The following KCNMA1 variants were observed in gnomAD, a reference collection of about 807,000 sequenced individuals.
KCNMA1 encodes the protein potassium calcium-activated channel subfamily M alpha 1, also known as Calcium-activated potassium channel subunit alpha-1.
In KCNMA1, 29 loss-of-function variants were observed where a neutral mutation model predicts 140.0. The observed-to-expected ratio is 0.21, with a 90% confidence interval of 0.15 to 0.28. KCNMA1 has a LOEUF of 0.28. Ranked by LOEUF, KCNMA1 falls within the 10% of genes least tolerant of loss-of-function variation. The pLI is 1.00. For missense variants in KCNMA1, 880 were observed against 1,602.2 expected, an observed-to-expected ratio of 0.55 and a Z score of 7.70; for synonymous variants, 612 against 611.9, an observed-to-expected ratio of 1.00 and a Z score of 0.00.
At chr10:77,154,858 A>G (rs535977623) in intron 5 of KCNMA1, among the ~76,000 whole-genome samples, 15 of 152,388 alleles carry the variant, frequency 9.8e-5, no homozygotes, top group African/African-American at 2.2e-4. Flanking sequence ...AATTGCTTCA[A>G]GCAAATGCTT....
intron 6 of KCNMA1, among the ~76,000 whole-genome samples, chr10:77,120,770 T>C (rs1381574656): frequency 1.3e-5 from 2 of 152,076 alleles, no homozygotes; most frequent in Non-Finnish European, 2.9e-5. Flanking sequence ...TATTTCTCTC[T>C]TTTCACCACA....
chr10:77,366,647 T>C (rs2154406507), intron 2 of KCNMA1, among the ~76,000 whole-genome samples: 2 of 152,236 alleles, frequency 1.3e-5, no homozygotes, highest in Middle Eastern at 6.8e-3. Context: ...ATGGTGAAGA[T>C]GATGGTGATA....
Position 77,424,560 on chromosome 10 carries a change from G to A in KCNMA1, c.379-20537C>T, listed in dbSNP as rs182146897. 3.7e-4 allele frequency among the ~76,000 whole-genome samples: 56 copies of A among 151,866 alleles called. 1 individual carries two copies. The East Asian group carries it at 0.011, about 29-fold the overall frequency. ...ACAATTCACCTGGGCATCTCTGAGA[G>A]AGGATTACTCACAACAGGTTCTCAG... On this transcript the variant is annotated intron_variant, in intron 1 of 27. Coordinates refer to ENST00000286628, the MANE Select transcript of KCNMA1 (RefSeq NM_001161352.2).
chr10:77,628,363 A>C (rs2154570718), intron 1 of KCNMA1, among the ~76,000 whole-genome samples: 1 of 152,232 alleles, frequency 6.6e-6, no homozygotes, highest in African/African-American at 2.4e-5. Flanking sequence ...CAAGTCAAAA[A>C]CCTAAAATCT....
chr10:77,011,692 C>A (rs752228462), intron 18 of KCNMA1, among the ~76,000 whole-genome samples: 5 of 152,168 alleles, frequency 3.3e-5, no homozygotes, highest in Admixed American at 6.6e-5. Context: ...CTCTGTTAGA[C>A]TGGACACATC....
At chr10:76,877,748 A>G (rs1228240261) in exon 30 of KCNMA1, 8 of 1,554,360 alleles carry the variant, frequency 5.1e-6, no homozygotes, top group Non-Finnish European at 6.1e-6. Context: ...GTCAACATTC[A>G]TCTTCAACTT....
At chr10:77,105,173 C>G (rs1267459953) in intron 9 of KCNMA1, among the ~76,000 whole-genome samples, 1 of 152,198 alleles carries the variant, frequency 6.6e-6, no homozygotes, top group Non-Finnish European at 1.5e-5. Flanking sequence ...ATTACCCATA[C>G]CTACTGCAGG....
chr10:77,483,218 G>T (rs186145290), intron 1 of KCNMA1, among the ~76,000 whole-genome samples: 2 of 152,094 alleles, frequency 1.3e-5, no homozygotes, highest in African/African-American at 4.8e-5. Flanking sequence ...AATTGGCAGC[G>T]CCACTAACAG....
chr10:77,382,984 GTGTGTGTGTGTATATATATA>G (rs375435277), intron 2 of KCNMA1, among the ~76,000 whole-genome samples: 13,641 of 88,878 alleles, frequency 0.15, 985 homozygotes, highest in South Asian at 0.3. Context: ...GTGTGTGTGT[GTGTGTGTGTGTATATATATA>G]TATATATATA....
intron 1 of KCNMA1, among the ~76,000 whole-genome samples, chr10:77,414,112 T>G (rs955959705): frequency 6.6e-6 from 1 of 152,210 alleles, no homozygotes; most frequent in Non-Finnish European, 1.5e-5. Flanking sequence ...TACCATCTTG[T>G]GCCTCAGGTT....
At chr10:77,331,101 C>G (rs1275881798) in intron 2 of KCNMA1, among the ~76,000 whole-genome samples, 1 of 147,838 alleles carries the variant, frequency 6.8e-6, no homozygotes, top group African/African-American at 2.5e-5. Flanking sequence ...CTCCCTGCCC[C>G]CCATGTACCT....
At chr10:76,927,340 C>G (rs1315655440) in intron 23 of KCNMA1, among the ~76,000 whole-genome samples, 3 of 152,060 alleles carry the variant, frequency 2.0e-5, no homozygotes, top group African/African-American at 7.2e-5. Context: ...ACACTATGGG[C>G]TAAAGGAAGA....
chr10:77,238,013 C>T (rs1392319280), intron 3 of KCNMA1, among the ~76,000 whole-genome samples: 1 of 152,160 alleles, frequency 6.6e-6, no homozygotes, highest in African/African-American at 2.4e-5. Flanking sequence ...CTCCCCACTG[C>T]CTCGCCTTCC....
Position 77,108,446 on chromosome 10 carries a change from G to C in KCNMA1, c.1223+35C>G, listed in dbSNP as rs45459294. On this transcript the variant is annotated intron_variant, in intron 9 of 27. Transcript: ENST00000286628. This position sits in a 1 kb window ranked among gnomAD's most constrained non-coding sequence, Gnocchi z 4.6. ...AATGGCATGCAGAGAGGATTCTACC[G>C]CAGCAGAGGCAGCAAAACCTCTTGG... 1 of 1,600,698 alleles carries C rather than the reference G, an allele frequency of 6.2e-7. No homozygotes were observed. Among genetic ancestry groups the C allele is most frequent in the Non-Finnish European group, 8.6e-7 (1 of 1,169,320 alleles).
chr10:77,041,686 C>T (rs2094704887), intron 14 of KCNMA1, among the ~76,000 whole-genome samples: 1 of 152,178 alleles, frequency 6.6e-6, no homozygotes, highest in African/African-American at 2.4e-5. Context: ...TCACAGGCCT[C>T]CCTGAGGGAA....
At chr10:77,417,562 T>G (rs541381508) in intron 1 of KCNMA1, among the ~76,000 whole-genome samples, 1 of 152,202 alleles carries the variant, frequency 6.6e-6, no homozygotes, top group African/African-American at 2.4e-5. Flanking sequence ...TGAGATCAGA[T>G]GACATGGAGC....
chr10:77,124,150 A>G (rs2097685229), intron 5 of KCNMA1, among the ~76,000 whole-genome samples: 1 of 152,236 alleles, frequency 6.6e-6, no homozygotes, highest in Non-Finnish European at 1.5e-5. Context: ...TTAGTGTTTA[A>G]TCCTGAACAT....
chr10:77,169,530 C>T (rs1299509751), intron 5 of KCNMA1, among the ~76,000 whole-genome samples: 1 of 151,988 alleles, frequency 6.6e-6, no homozygotes, highest in Non-Finnish European at 1.5e-5. Context: ...GCTGGGACCA[C>T]AGGTATGTGC....
chr10:77,453,748 G>A lies in KCNMA1; in HGVS notation c.379-49725C>T, dbSNP rs1052939932. Among the ~76,000 whole-genome samples, 3 of 152,220 alleles carry A rather than the reference G, an allele frequency of 2.0e-5. No homozygotes were observed. The South Asian group carries it at 6.2e-4, about 32-fold the overall frequency. On this transcript the variant is annotated intron_variant, in intron 1 of 27. Transcript: ENST00000286628. ...AGTGAATACTTGAGGTCAGCAGAGG[G>A]ACCCCCTTGAGTCTTTAGCTAAGTA...
Sources: gnomAD v4.1 joint callset for allele counts (sites outside exome capture counted in the v4.1 genomes callset) on GRCh38, gnomAD v4.1.1 for gene constraint, Gnocchi (gnomAD v3.1) non-coding constraint, MANE v1.5 for transcripts, NCBI Gene and HGNC (gene_info 2026-07-23, HGNC 2026-07-21) for gene names.